Variants in CELF4 observed in about 807,000 individuals in gnomAD.
CELF4 encodes CUG-BP- and ETR-3-like factor 4.
CELF4 carries 18 observed loss-of-function variants against 59.9 expected under a neutral mutation model. That is an observed-to-expected ratio of 0.30 (90% CI 0.21 to 0.45). The LOEUF is 0.45. CELF4 is among the 20% of genes least tolerant of loss of function. The pLI, the probability that CELF4 is intolerant of heterozygous loss-of-function variation, is 1.00. For synonymous variants in CELF4, 261 were observed against 267.1 expected (o/e 0.98, Z 0.22); for missense variants, 456 against 689.0 (o/e 0.66, Z 3.79).
chr18:37,506,306 T>G (rs1033081650), intron 1 of CELF4, among the ~76,000 whole-genome samples: 14 of 152,134 alleles, frequency 9.2e-5, no homozygotes, highest in Non-Finnish European at 1.5e-4. Flanking sequence ...TGTATAGGCT[T>G]GTTTGGGGAA....
intron 2 of CELF4, among the ~76,000 whole-genome samples, chr18:37,428,877 C>T (rs1168237497): frequency 6.6e-6 from 1 of 152,200 alleles, no homozygotes; most frequent in Admixed American, 6.5e-5. Context: ...CTTCCACAAA[C>T]ATCATTTTGA....
chr18:37,328,035 G>C (rs2097385914), intron 2 of CELF4, among the ~76,000 whole-genome samples: 1 of 152,236 alleles, frequency 6.6e-6, no homozygotes, highest in Non-Finnish European at 1.5e-5. Flanking sequence ...GAGAGAAAGA[G>C]AGAGGGAGGG....
At chr18:37,387,541 A>T (rs2099112560) in intron 2 of CELF4, among the ~76,000 whole-genome samples, 1 of 152,116 alleles carries the variant, frequency 6.6e-6, no homozygotes, top group African/African-American at 2.4e-5. Context: ...CTCCACCCCG[A>T]GAGGACTGAA....
chr18:37,434,742 C>T (rs959204561), intron 2 of CELF4, among the ~76,000 whole-genome samples: 2 of 152,124 alleles, frequency 1.3e-5, no homozygotes, highest in African/African-American at 4.8e-5. Context: ...GGGCAGCCTG[C>T]CTGTCCCACG....
chr18:37,444,594 T>C, intron 2 of CELF4, among the ~76,000 whole-genome samples: 1 of 145,952 alleles, frequency 6.9e-6, no homozygotes. Flanking sequence ...AAACATGCTC[T>C]CTCTCTCTCT....
chr18:37,321,743 G>C (rs540378763), intron 3 of CELF4, 60 bp downstream of exon 3: 13 of 1,248,792 alleles, frequency 1.0e-5, no homozygotes, highest in Middle Eastern at 2.2e-4. Flanking sequence ...TTGCTGCGTC[G>C]GGAAAAGGAG....
intron 3 of CELF4, among the ~76,000 whole-genome samples, chr18:37,286,360 C>T (rs1175783781): frequency 2.0e-5 from 3 of 152,154 alleles, no homozygotes; most frequent in Admixed American, 1.3e-4. Context: ...TCGCTGCCTG[C>T]AGACCACCTG....
intron 2 of CELF4, among the ~76,000 whole-genome samples, chr18:37,435,054 CTGT>C (rs1202977037): frequency 2.0e-5 from 3 of 152,148 alleles, no homozygotes; most frequent in African/African-American, 7.2e-5. Flanking sequence ...ACTCTAGTAA[CTGT>C]TCTCTTCCAG....
At chr18:37,247,658 TACAC>T (rs1244630972) in intron 12 of CELF4, among the ~76,000 whole-genome samples, 1 of 150,402 alleles carries the variant, frequency 6.6e-6, no homozygotes, top group African/African-American at 2.4e-5. Context: ...CGCACACACA[TACAC>T]ACATACACAC....
At chr18:37,474,959 C>A (rs1480770770) in intron 2 of CELF4, among the ~76,000 whole-genome samples, 1 of 152,216 alleles carries the variant, frequency 6.6e-6, no homozygotes, top group East Asian at 1.9e-4. Context: ...CGGAAGACCC[C>A]TGGGCACAAC....
At chr18:37,546,357 T>C (rs1772469230) in intron 1 of CELF4, among the ~76,000 whole-genome samples, 1 of 151,720 alleles carries the variant, frequency 6.6e-6, no homozygotes, top group Admixed American at 6.6e-5. Context: ...GCACACATGC[T>C]CACTACATAC....
chr18:37,359,970 C>T (rs1314093540), intron 2 of CELF4, among the ~76,000 whole-genome samples: 1 of 152,074 alleles, frequency 6.6e-6, no homozygotes, highest in Non-Finnish European at 1.5e-5. Flanking sequence ...CTGCTTCAGC[C>T]TCCCAAGTAG....
At chr18:37,373,068 A>T (rs2098921775) in intron 2 of CELF4, among the ~76,000 whole-genome samples, 1 of 152,234 alleles carries the variant, frequency 6.6e-6, no homozygotes, top group Non-Finnish European at 1.5e-5. Context: ...ATGCAGGGAA[A>T]AGGTGATTCC....
At chr18:37,397,429 C>T (rs573367222) in intron 2 of CELF4, among the ~76,000 whole-genome samples, 1 of 152,152 alleles carries the variant, frequency 6.6e-6, no homozygotes, top group African/African-American at 2.4e-5. Flanking sequence ...AGGGCAGGAC[C>T]ATCTGGGTTG....
chr18:37,334,009 G>T (rs934185272), intron 2 of CELF4, among the ~76,000 whole-genome samples: 1 of 152,106 alleles, frequency 6.6e-6, no homozygotes, highest in Non-Finnish European at 1.5e-5. Flanking sequence ...TTCCCTGAAT[G>T]CCCAGCCATG....
rs533479433 is a variant in CELF4 at position 37,265,005 on chromosome 18, G to T, written c.1166-248C>A. Among the ~76,000 whole-genome samples, 7 of 151,662 alleles carry T rather than the reference G, an allele frequency of 4.6e-5. No individual in the cohort carries two copies. In the South Asian group the frequency reaches 1.5e-3, roughly 32 times the overall value. ...GTGTGTGTACATTACATGCATACAT[G>T]CATGTACGTGTGGGGATGTGTGTGT... On this transcript the variant is annotated intron_variant, in intron 9 of 12. Coordinates refer to ENST00000420428, the MANE Select transcript of CELF4 (RefSeq NM_020180.4).
At chr18:37,427,040 G>GC (rs1049166984) in intron 2 of CELF4, among the ~76,000 whole-genome samples, 88 of 146,512 alleles carry the variant, frequency 6.0e-4, no homozygotes, top group Non-Finnish European at 1.2e-3. Flanking sequence ...AGGGACACGG[G>GC]GGGGGGGGAA....
chr18:37,312,110 C>CAAAAAAAAAA (rs59872500), intron 3 of CELF4, among the ~76,000 whole-genome samples: 6 of 50,714 alleles, frequency 1.2e-4, no homozygotes, highest in Admixed American at 2.1e-4. Flanking sequence ...GATTCCGTCT[C>CAAAAAAAAAA]AAAAAAAAAA....
At chr18:37,406,786 T>C (rs1473511110) in intron 2 of CELF4, among the ~76,000 whole-genome samples, 1 of 151,716 alleles carries the variant, frequency 6.6e-6, no homozygotes, top group Non-Finnish European at 1.5e-5. Context: ...CCTCAGGGAA[T>C]AGAAGTTGGG....
Sources: gnomAD v4.1 joint callset for allele counts (sites outside exome capture counted in the v4.1 genomes callset) on GRCh38, gnomAD v4.1.1 for gene constraint, MANE v1.5 for transcripts, NCBI Gene and HGNC (gene_info 2026-07-23, HGNC 2026-07-21) for gene names.